The following RNF13 variants were observed in gnomAD, a reference collection of about 807,000 sequenced individuals.
RNF13 encodes the protein E3 ubiquitin-protein ligase RNF13.
In RNF13, 19 loss-of-function variants were observed where a neutral mutation model predicts 37.7. That is an observed-to-expected ratio of 0.50 (90% confidence interval 0.35 to 0.74). RNF13 has a LOEUF of 0.74. RNF13 is among the 30% of genes least tolerant of loss of function. The pLI, the probability that RNF13 is intolerant of heterozygous loss-of-function variation, is 0.01. For synonymous variants in RNF13, 144 were observed against 157.8 expected, an observed-to-expected ratio of 0.91 and a Z score of 0.65; for missense variants, 375 against 453.0, an observed-to-expected ratio of 0.83 and a Z score of 1.56.
chr3:149,876,976 C>G lies in RNF13; in HGVS notation c.321+4822C>G, dbSNP rs199859716. Among the ~76,000 whole-genome samples the G allele has an allele frequency of 2.0e-4, 31 of 151,944 alleles. No individual in the cohort carries two copies. In the East Asian group the frequency reaches 6.0e-3, roughly 30 times the overall value. On this transcript the variant is annotated intron_variant, in intron 4 of 9. Transcript: ENST00000392894. ...TGTGTTTTTAGTAGAGATGGTATTT[C>G]ATCATGTTGGCCAGGCTAGTCTTGA... is the stretch of plus-strand genomic sequence containing the variant.
intron 3 of RNF13, among the ~76,000 whole-genome samples, chr3:149,867,976 C>T (rs900115086): frequency 1.3e-4 from 20 of 151,630 alleles, no homozygotes; most frequent in African/African-American, 4.8e-4. Context: ...CTTACAAAGC[C>T]ATCTTATAAC....
intron 1 of RNF13, among the ~76,000 whole-genome samples, chr3:149,845,572 A>T (rs1462107852): frequency 2.0e-5 from 3 of 152,224 alleles, no homozygotes; most frequent in African/African-American, 7.2e-5. Flanking sequence ...ATAGCAAATG[A>T]AAAGTAAATT....
intron 8 of RNF13, among the ~76,000 whole-genome samples, chr3:149,929,708 A>C (rs1454899467): frequency 2.0e-5 from 3 of 152,154 alleles, no homozygotes; most frequent in African/African-American, 7.2e-5. Context: ...TATCAAGTTG[A>C]TGAAGTCCCC....
At chr3:149,879,307 A>ATT (rs3028508) in intron 4 of RNF13, among the ~76,000 whole-genome samples, 13,152 of 137,384 alleles carry the variant, frequency 0.096, 775 homozygotes, top group African/African-American at 0.15. Flanking sequence ...TTATCAGGTA[A>ATT]TTTTTTTTTT....
At chr3:149,912,753 T>C (rs1462036786) in intron 7 of RNF13, among the ~76,000 whole-genome samples, 2 of 152,122 alleles carry the variant, frequency 1.3e-5, no homozygotes, top group Non-Finnish European at 2.9e-5. Context: ...GGGAATGACA[T>C]ATTATTTCTC....
intron 1 of RNF13, among the ~76,000 whole-genome samples, chr3:149,835,127 G>C (rs1441252039): frequency 6.6e-6 from 1 of 151,990 alleles, no homozygotes; most frequent in East Asian, 1.9e-4. Flanking sequence ...TCTTGGGCAG[G>C]ACACCAAAAG....
rs1301601783 is a variant in RNF13, at chr3:149,961,279, C to CTTCA, written c.*180_*183dup. ...CTGGTATTTATCTGCCAAGAATATA[C>CTTCA]TTCATTCACTAATAATAGACTGGTG... On this transcript the variant is annotated 3_prime_UTR_variant, in exon 10 of 10. Coordinates refer to ENST00000392894, the MANE Select transcript of RNF13 (RefSeq NM_183381.3). 1 of 681,018 alleles carries CTTCA rather than the reference C, an allele frequency of 1.5e-6. No homozygotes were observed. The highest frequency in any genetic ancestry group is 1.8e-5 in the African/African-American group (1 of 55,318). 42.2% of individuals were successfully genotyped at this position (681,018 alleles called of 1,614,324 possible). A position where few individuals can be genotyped will look rare whatever the true frequency, so the allele number is the denominator to read the frequency against.
In RNF13 at chr3:149,839,638, G is replaced by A. The variant is rs551615094; in HGVS notation, c.-16-6373G>A. Among the ~76,000 whole-genome samples, 298 of 152,146 alleles carry A rather than the reference G, an allele frequency of 2.0e-3. 1 individual carries two copies. Among genetic ancestry groups the A allele is most frequent in the Non-Finnish European group, 3.5e-3 (236 of 67,990 alleles). On this transcript the variant is annotated intron_variant, in intron 1 of 9. Transcript: ENST00000392894. ...CATGAGAATAGCATGGGAAAGACCT[G>A]CCCCCATGATTCAATTAACCTCCCA...
At chr3:149,834,714 A>G (rs938296470) in intron 1 of RNF13, among the ~76,000 whole-genome samples, 2 of 152,204 alleles carry the variant, frequency 1.3e-5, no homozygotes, top group African/African-American at 4.8e-5. Context: ...TTGCTGTGTG[A>G]TGGGCTCCCT....
chr3:149,837,068 T>G (rs1721695676), intron 1 of RNF13, among the ~76,000 whole-genome samples: 1 of 152,174 alleles, frequency 6.6e-6, no homozygotes, highest in Non-Finnish European at 1.5e-5. Context: ...GTGGTAATAT[T>G]TGCACAACAA....
At chr3:149,938,487 A>ATT (rs112240963) in intron 8 of RNF13, among the ~76,000 whole-genome samples, 26 of 139,504 alleles carry the variant, frequency 1.9e-4, no homozygotes, top group African/African-American at 6.8e-4. Flanking sequence ...TGTTATTATT[A>ATT]TTTTTTTTTT....
At chr3:149,871,731 A>G (rs116174542) in intron 3 of RNF13, among the ~76,000 whole-genome samples, 3 of 152,100 alleles carry the variant, frequency 2.0e-5, no homozygotes, top group African/African-American at 4.8e-5. Context: ...GAAAATGTCA[A>G]ATATTGTTCG....
At chr3:149,836,155 T>A (rs895785992) in intron 1 of RNF13, among the ~76,000 whole-genome samples, 1 of 152,158 alleles carries the variant, frequency 6.6e-6, no homozygotes, top group African/African-American at 2.4e-5. Flanking sequence ...TGTTGAGCAT[T>A]TCTTATTTTG....
chr3:149,875,611 C>A (rs1030775230), intron 4 of RNF13, among the ~76,000 whole-genome samples: 9 of 152,094 alleles, frequency 5.9e-5, no homozygotes, highest in African/African-American at 2.2e-4. Context: ...TAAAGAGAGC[C>A]ATTGTTTAAT....
At chr3:149,816,700 A>G in intron 1 of RNF13, among the ~76,000 whole-genome samples, 1 of 152,220 alleles carries the variant, frequency 6.6e-6, no homozygotes. Context: ...AGATGGATAC[A>G]GATTATGGAG....
chr3:149,953,472 C>T (rs186652638), intron 8 of RNF13, among the ~76,000 whole-genome samples: 48 of 152,252 alleles, frequency 3.2e-4, no homozygotes, highest in African/African-American at 1.1e-3. Flanking sequence ...AAAAAATGGT[C>T]TTCATCCCTT....
intron 8 of RNF13, among the ~76,000 whole-genome samples, chr3:149,934,290 C>G (rs932509954): frequency 6.6e-6 from 1 of 151,774 alleles, no homozygotes; most frequent in African/African-American, 2.4e-5. Context: ...TGGACTTTAT[C>G]TTTTCAAAAA....
chr3:149,924,937 G>T (rs1718490257), intron 8 of RNF13, among the ~76,000 whole-genome samples: 1 of 152,198 alleles, frequency 6.6e-6, no homozygotes, highest in South Asian at 2.1e-4. Context: ...GTATCATAGA[G>T]ACTTGAGCTA....
At chr3:149,863,812 C>A (rs543904486) in intron 3 of RNF13, among the ~76,000 whole-genome samples, 26 of 152,164 alleles carry the variant, frequency 1.7e-4, no homozygotes, top group African/African-American at 5.8e-4. Flanking sequence ...TTACATTTAA[C>A]CTCTTTATGT....
Sources: allele counts gnomAD v4.1 joint callset (sites outside exome capture counted in the v4.1 genomes callset), GRCh38; gene constraint gnomAD v4.1.1; transcripts MANE v1.5; gene names NCBI Gene and HGNC (gene_info 2026-07-23, HGNC 2026-07-21).